MYO1F: variants seen among roughly 807,000 people sequenced by gnomAD.
MYO1F encodes the protein myosin IF.
A neutral mutation model predicts 146.6 loss-of-function variants in MYO1F; 60 were observed. That is an observed-to-expected ratio of 0.41 (90% CI 0.33 to 0.51). The LOEUF is 0.51. MYO1F is among the 20% of genes least tolerant of loss of function. MYO1F has a pLI of 0.25. For synonymous variants in MYO1F, 602 were observed against 602.1 expected (o/e 1.00, Z 0.00); for missense variants, 1,274 against 1,534.3 (o/e 0.83, Z 2.83).
In MYO1F at chr19:8,550,655, G is replaced by C. The variant is rs1382043136; in HGVS notation, c.811C>G (p.Gln271Glu). Residue 271 changes from glutamine (Q) to glutamate (E), a missense_variant, in exon 9 of 28, where the codon CAG becomes GAG. By Grantham distance (29) the Gln-to-Glu change is conservative. Around this residue, in one of 2 missense-constraint regions of MYO1F, gnomAD observed 900 missense variants for 1,155.1 expected, o/e 0.78. Coordinates refer to ENST00000644032, the MANE Select transcript of MYO1F (RefSeq NM_012335.4). Reference protein sequence around the residue: ...QVIGIPPSIQQLVLQLVAGIL... With the variant: ...QVIGIPPSIQELVLQLVAGIL... ...CCCGCCACGAGCTGCAGGACCAGCT[G>C]CTGGATGCTGGGCGGGATCCCAATA... is the stretch of plus-strand genomic sequence containing the variant. 1 of 1,614,180 alleles carries C rather than the reference G, an allele frequency of 6.2e-7. No individual in the cohort carries two copies. The highest frequency in any genetic ancestry group is 1.7e-5 in the Admixed American group (1 of 60,008).
intron 13 of MYO1F, among the ~76,000 whole-genome samples, 171 bp from the exon 14 acceptor site, chr19:8,544,635 G>A (rs1207488822): frequency 6.6e-6 from 1 of 151,928 alleles, no homozygotes; most frequent in Non-Finnish European, 1.5e-5. Context: ...AGGCGTTGCA[G>A]GGGTCAGGGA....
chr19:8,544,323 A>G lies in MYO1F; in HGVS notation c.1498T>C (p.Phe500Leu). The change falls in exon 14 of 28, where the codon TTC becomes CTC. Residue 500 changes from phenylalanine to leucine, a missense_variant. Phe to Leu is a conservative substitution (Grantham distance 22). Coordinates refer to ENST00000644032, the MANE Select transcript of MYO1F (RefSeq NM_012335.4). ...HEHFNSWSAG[F>L]VIHHYAGKVS... Reference sequence around the variant, plus strand: ...TTGCCAGCGTAGTGGTGGATGACGAAGCCGGCGCTCCAGCTGTTGAAATGC... The same window carrying G: ...TTGCCAGCGTAGTGGTGGATGACGAGGCCGGCGCTCCAGCTGTTGAAATGC... 1 of 1,613,014 alleles carries G rather than the reference A, an allele frequency of 6.2e-7. No homozygotes were observed. Among genetic ancestry groups the G allele is most frequent in the South Asian group, 1.1e-5 (1 of 91,076 alleles).
intron 1 of MYO1F, among the ~76,000 whole-genome samples, chr19:8,571,191 C>T (rs1440924301): frequency 6.6e-6 from 1 of 152,180 alleles, no homozygotes; most frequent in African/African-American, 2.4e-5. Flanking sequence ...GCTGTGGTTG[C>T]CGGGAGGAGA....
At chr19:8,562,706 AT>A (rs1049261856) in intron 1 of MYO1F, among the ~76,000 whole-genome samples, 27 of 146,580 alleles carry the variant, frequency 1.8e-4, no homozygotes, top group Non-Finnish European at 2.7e-4. Context: ...AGCTACTTAA[AT>A]TTTTTTTTTA....
chr19:8,544,062 G>GTGGTGGTGGTGGTGGTGGTGC lies in MYO1F; in HGVS notation c.1524+234_1524+235insGCACCACCACCACCACCACCA, dbSNP rs1289699533. Reference sequence around the variant, plus strand: ...GGTGCTGGTGGTGGTGGTGGTGGTGGTGGTGGTGTCCAGACAAGTTTGGGG... The same window carrying GTGGTGGTGGTGGTGGTGGTGC: ...GGTGCTGGTGGTGGTGGTGGTGGTGGTGGTGGTGGTGGTGGTGGTGCTGGTGGTGTCCAGACAAGTTTGGGG... On this transcript the variant is annotated intron_variant, in intron 14 of 27. Transcript: ENST00000644032. The GTGGTGGTGGTGGTGGTGGTGC allele has an allele frequency of 2.5e-4, 150 of 599,932 alleles. 2 individuals carry two copies. The highest frequency in any genetic ancestry group is 5.9e-6 in the Non-Finnish European group (2 of 337,720). 37.2% of individuals were successfully genotyped at this position (599,932 alleles called of 1,614,324 possible).
chr19:8,573,247 C>T (rs1247048037), intron 1 of MYO1F, among the ~76,000 whole-genome samples: 1 of 151,896 alleles, frequency 6.6e-6, no homozygotes, highest in Non-Finnish European at 1.5e-5. Context: ...GGAGGTGGGG[C>T]TTGCAGTGAG....
chr19:8,568,737 A>G (rs905996607), intron 1 of MYO1F, among the ~76,000 whole-genome samples: 3 of 152,086 alleles, frequency 2.0e-5, no homozygotes, highest in Non-Finnish European at 4.4e-5. Flanking sequence ...CCTGGCCAAC[A>G]TGGTGAAACC....
intron 1 of MYO1F, among the ~76,000 whole-genome samples, chr19:8,562,003 C>G (rs550367755): frequency 6.6e-6 from 1 of 151,866 alleles, no homozygotes; most frequent in Admixed American, 6.6e-5. Context: ...GCATGAGCCA[C>G]TGCGTCTGGC....
chr19:8,550,714 G>T lies in MYO1F; in HGVS notation c.772-20C>A. 1 of 1,613,678 alleles carries T rather than the reference G, an allele frequency of 6.2e-7. No homozygotes were observed. Among genetic ancestry groups the T allele is most frequent in the South Asian group, 1.1e-5 (1 of 91,076 alleles). Reference sequence around the variant, plus strand: ...AGCACTCTGTGGTACAACGGGGGCAGAAACTGTGCCGTGAATCCTGGCCTC... The same window carrying T: ...AGCACTCTGTGGTACAACGGGGGCATAAACTGTGCCGTGAATCCTGGCCTC... On this transcript the variant is annotated intron_variant, in intron 8 of 27. Transcript: ENST00000644032.
At chr19:8,566,653 A>G (rs1471622721) in intron 1 of MYO1F, among the ~76,000 whole-genome samples, 1 of 151,324 alleles carries the variant, frequency 6.6e-6, no homozygotes, top group African/African-American at 2.4e-5. Context: ...AGCTGGGATT[A>G]CAGGTGCATG....
At chr19:8,557,569 T>G (rs1973912214) in intron 1 of MYO1F, among the ~76,000 whole-genome samples, 1 of 152,138 alleles carries the variant, frequency 6.6e-6, no homozygotes, top group Non-Finnish European at 1.5e-5. Context: ...CCCAAAGTGG[T>G]GGGATTATAG....
chr19:8,553,299 A>T (rs756235757), intron 5 of MYO1F, 51 bp downstream of exon 5: 2 of 1,601,976 alleles, frequency 1.2e-6, no homozygotes, highest in South Asian at 2.2e-5. Flanking sequence ...GGGCTGCACT[A>T]CCATGCAGGT....
intron 16 of MYO1F, 31 bp downstream of exon 16, chr19:8,539,916 C>A (rs1283233879): frequency 6.2e-7 from 1 of 1,604,476 alleles, no homozygotes; most frequent in South Asian, 1.1e-5. Flanking sequence ...CCTCTGCAGG[C>A]CCAGCTCCCC....
chr19:8,544,041 C>CTGGTGGTGGTGGTGG, intron 14 of MYO1F: 2 of 211,944 alleles, frequency 9.4e-6, no homozygotes, highest in Middle Eastern at 1.1e-3. Context: ...GGTGGCGGTG[C>CTGGTGGTGGTGGTGG]TGGTGGTGGT....
intron 4 of MYO1F, among the ~76,000 whole-genome samples, chr19:8,553,660 G>A (rs1194171125): frequency 6.6e-6 from 1 of 151,956 alleles, no homozygotes; most frequent in Non-Finnish European, 1.5e-5. Flanking sequence ...ATCACTTGAG[G>A]TCAAAAGTTA....
At chr19:8,568,003 CCTCTT>C (rs2042037219) in intron 1 of MYO1F, among the ~76,000 whole-genome samples, 2 of 152,222 alleles carry the variant, frequency 1.3e-5, no homozygotes, top group African/African-American at 4.8e-5. Flanking sequence ...CGACTTGGTT[CCTCTT>C]CCTGCCCTTC....
intron 25 of MYO1F, 100 bp downstream of exon 25, chr19:8,525,379 T>C (rs1483712327): frequency 1.1e-5 from 11 of 981,300 alleles, no homozygotes; most frequent in African/African-American, 6.4e-5. Flanking sequence ...GAGAAGTGAG[T>C]GGTAAACTGT....
chr19:8,526,633 G>T, intron 23 of MYO1F, 32 bp from the exon 24 acceptor site: 1 of 1,570,534 alleles, frequency 6.4e-7, no homozygotes, highest in South Asian at 1.2e-5. Flanking sequence ...TGGGGGCGCT[G>T]GCTGAGGTCC....
At chr19:8,562,908 A>G (rs908323340) in intron 1 of MYO1F, among the ~76,000 whole-genome samples, 1 of 152,118 alleles carries the variant, frequency 6.6e-6, no homozygotes, top group Non-Finnish European at 1.5e-5. Context: ...TGTAGGTGGG[A>G]CTGTCATACT....
Sources: allele counts gnomAD v4.1 joint callset (sites outside exome capture counted in the v4.1 genomes callset), GRCh38; gene constraint gnomAD v4.1.1; regional missense constraint gnomAD v4.1.1; transcripts MANE v1.5; gene names NCBI Gene and HGNC (gene_info 2026-07-23, HGNC 2026-07-21).